PCDHGA3: variants seen among roughly 807,000 people sequenced by gnomAD.
PCDHGA3 encodes the protein protocadherin gamma-A3.
In PCDHGA3, 40 loss-of-function variants were observed where a neutral mutation model predicts 58.5. The ratio of observed to expected loss-of-function variants is 0.68; its 90% CI spans 0.53 to 0.89. The LOEUF (loss-of-function observed/expected upper bound fraction) is 0.89. Among genes scored for constraint, PCDHGA3 ranks in the 40% least tolerant of loss-of-function variants. The pLI, the probability that PCDHGA3 is intolerant of heterozygous loss-of-function variation, is 0.00. For synonymous variants in PCDHGA3, 530 were observed against 525.7 expected, an observed-to-expected ratio of 1.01 and a Z score of -0.11; for missense variants, 1,223 against 1,195.9, an observed-to-expected ratio of 1.02 and a Z score of -0.33.
At chr5:141,503,335 G>A (rs111643076) in intron 2 of PCDHGA3, among the ~76,000 whole-genome samples, 108 of 152,220 alleles carry the variant, frequency 7.1e-4, no homozygotes, top group African/African-American at 2.4e-3. Context: ...GGTGGCTCAC[G>A]CCTGTAATTC....
intron 1 of PCDHGA3, chr5:141,357,369 C>A (rs370630847): frequency 1.1e-5 from 18 of 1,614,182 alleles, no homozygotes; most frequent in Non-Finnish European, 1.4e-5. Context: ...ACAAGTCACG[C>A]CTGCTTCACG....
At chr5:141,361,157 A>T in intron 1 of PCDHGA3, 2 of 1,613,974 alleles carry the variant, frequency 1.2e-6, no homozygotes, top group Non-Finnish European at 1.7e-6. Flanking sequence ...CTTGATGACA[A>T]CGATTGTGCA....
chr5:141,481,934 AAT>A (rs1245984926), intron 1 of PCDHGA3, among the ~76,000 whole-genome samples: 5 of 147,494 alleles, frequency 3.4e-5, no homozygotes, highest in Admixed American at 3.4e-4. Flanking sequence ...AAAAAAAAAA[AAT>A]CAGCCAGATG....
At chr5:141,402,945 A>T (rs2094324619) in intron 1 of PCDHGA3, 2 of 1,593,720 alleles carry the variant, frequency 1.3e-6, no homozygotes, top group Admixed American at 3.6e-5. Flanking sequence ...TTCCAAAGCG[A>T]GGCAGCAATG....
chr5:141,413,461 C>T, intron 1 of PCDHGA3: 2 of 1,614,082 alleles, frequency 1.2e-6, no homozygotes, highest in Non-Finnish European at 1.7e-6. Context: ...CAGGATAGAC[C>T]GGGAGGAGCT....
At position 141,351,203 on chromosome 5, in the gene PCDHGA3, G is replaced by A. The variant is rs761755247; in HGVS notation, c.2424+4746G>A. 88 of 1,613,946 alleles carry A rather than the reference G, an allele frequency of 5.5e-5. 1 individual carries two copies. In the Middle Eastern group the frequency reaches 6.6e-3, roughly 121 times the overall value. ...AGAGACAAGTAGATATGTGTTGAGTGTGGAAGCTAAGGATGGAGGAGTACA... is the reference window on the plus strand; with the variant it reads ...AGAGACAAGTAGATATGTGTTGAGTATGGAAGCTAAGGATGGAGGAGTACA... On this transcript the variant is annotated intron_variant, in intron 1 of 3. Coordinates refer to ENST00000253812, the MANE Select transcript of PCDHGA3 (RefSeq NM_018916.4).
chr5:141,383,546 A>G (rs747474981), intron 1 of PCDHGA3: 1 of 1,612,542 alleles, frequency 6.2e-7, no homozygotes, highest in Non-Finnish European at 8.5e-7. Flanking sequence ...ACAGCCTCTG[A>G]TGGCGGCGAC....
At chr5:141,410,847 G>GTT (rs773839667) in intron 1 of PCDHGA3, 4 of 158,332 alleles carry the variant, frequency 2.5e-5, no homozygotes, top group South Asian at 1.1e-4. Flanking sequence ...TTTTGTCTTT[G>GTT]TCTTTTTTTT....
At chr5:141,502,891 C>G (rs2099816930) in intron 2 of PCDHGA3, among the ~76,000 whole-genome samples, 1 of 117,990 alleles carries the variant, frequency 8.5e-6, no homozygotes, top group African/African-American at 3.4e-5. Context: ...GACAGGGAGT[C>G]TAGCTCTGTT....
rs749832081 is a variant in PCDHGA3, at chr5:141,360,505, C to G, written c.2424+14048C>G. On this transcript the variant is annotated intron_variant, in intron 1 of 3. Coordinates refer to ENST00000253812, the MANE Select transcript of PCDHGA3 (RefSeq NM_018916.4). ...TATTTTCTACATAGCAGTAATTGTG[C>G]AGGATATAAATGATAATACCCCGCT... 5 of 1,613,778 alleles carry G rather than the reference C, an allele frequency of 3.1e-6. No individual in the cohort carries two copies. The Admixed American group carries it at 8.3e-5, about 27-fold the overall frequency.
At chr5:141,357,323 T>C (rs766165859) in intron 1 of PCDHGA3, 2 of 1,614,108 alleles carry the variant, frequency 1.2e-6, no homozygotes, top group Admixed American at 3.3e-5. Flanking sequence ...CTGGCTTTTG[T>C]CACGGTGCTG....
intron 1 of PCDHGA3, among the ~76,000 whole-genome samples, chr5:141,447,644 G>A (rs1212910845): frequency 1.3e-5 from 2 of 152,146 alleles, no homozygotes; most frequent in Admixed American, 1.3e-4. Context: ...AATGATGGTA[G>A]AATTTTCCCC....
At chr5:141,396,447 C>T (rs1200125693) in intron 1 of PCDHGA3, 2 of 152,068 alleles carry the variant, frequency 1.3e-5, no homozygotes, top group South Asian at 2.1e-4. Flanking sequence ...GGTGAAACCC[C>T]GTCTCTACTA....
In PCDHGA3 at chr5:141,344,833, C is replaced by G; in HGVS notation, c.800C>G (p.Thr267Ser). 1 of 1,613,970 alleles carries G rather than the reference C, an allele frequency of 6.2e-7. No individual in the cohort carries two copies. The highest frequency in any genetic ancestry group is 8.5e-7 in the Non-Finnish European group (1 of 1,179,888). ...VGTRLLTVNA[T>S]DPDEGFNAQV... ...ACCCGGCTGCTCACGGTGAATGCCACTGACCCTGACGAGGGATTCAATGCT... is the reference window on the plus strand; with the variant it reads ...ACCCGGCTGCTCACGGTGAATGCCAGTGACCCTGACGAGGGATTCAATGCT... The change falls in exon 1 of 4, where the codon ACT becomes AGT. Residue 267 changes from threonine to serine, a missense_variant. Physicochemically the swap from Thr to Ser is moderately conservative, Grantham distance 58 (BLOSUM62 1). Around this residue, in one of 3 missense-constraint regions of PCDHGA3, gnomAD observed 791 missense variants for 708.5 expected, o/e 1.12. Transcript: ENST00000253812.
intron 1 of PCDHGA3, chr5:141,409,960 C>G: frequency 6.2e-7 from 1 of 1,613,416 alleles, no homozygotes; most frequent in Non-Finnish European, 8.5e-7. Flanking sequence ...AGCCCGGCTA[C>G]CTAGTGACTA....
rs761149166 is a variant in PCDHGA3 at position 141,510,977 on chromosome 5, G to C, written c.2603G>C (p.Gly868Ala). Residue 868 changes from glycine to alanine, a missense_variant, in exon 4 of 4, where the codon GGG (glycine) becomes GCG (alanine). Around this residue, in one of 3 missense-constraint regions of PCDHGA3, gnomAD observed 325 missense variants for 327.5 expected, o/e 0.99. Coordinates refer to ENST00000253812, the MANE Select transcript of PCDHGA3 (RefSeq NM_018916.4). Reference protein sequence around the residue: ...EAADGSSTLGGGAGTMGLSAR... With the variant: ...EAADGSSTLGAGAGTMGLSAR... ...GCTGATGGGAGCTCCACCCTGGGAG[G>C]GGGTGCCGGCACCATGGGATTGAGC... 9 of 1,614,052 alleles carry C rather than the reference G, an allele frequency of 5.6e-6. No individual in the cohort carries two copies. The Admixed American group carries it at 1.3e-4, about 24-fold the overall frequency.
At chr5:141,472,980 CAAAAAAA>C (rs60579131) in intron 1 of PCDHGA3, among the ~76,000 whole-genome samples, 1 of 86,108 alleles carries the variant, frequency 1.2e-5, no homozygotes, top group East Asian at 4.1e-4. Context: ...GAGTGAAACT[CAAAAAAA>C]AAAAAAAAAA....
rs767108870 is a variant in PCDHGA3 at position 141,485,169 on chromosome 5, C to T, written c.2425-9638C>T. On this transcript the variant is annotated intron_variant, in intron 1 of 3. Transcript: ENST00000253812. This position sits in a 1 kb window ranked among gnomAD's most constrained non-coding sequence, Gnocchi z 5.7. ...GAGCAAGTAGAGAATTAGCGGGCGG[C>T]AGCAATGCTCCGCAAGGTGAGAAGC... The T allele has an allele frequency of 6.2e-7, 1 of 1,608,524 alleles. No homozygotes were observed. Among genetic ancestry groups the T allele is most frequent in the South Asian group, 1.1e-5 (1 of 90,730 alleles).
At chr5:141,362,101 G>A in intron 1 of PCDHGA3, 1 of 1,613,846 alleles carries the variant, frequency 6.2e-7, no homozygotes, top group East Asian at 2.2e-5. Flanking sequence ...GCCACTCTCC[G>A]CTACGGCCAC....
Sources: gnomAD v4.1 joint callset for allele counts (sites outside exome capture counted in the v4.1 genomes callset) on GRCh38, gnomAD v4.1.1 for gene constraint, gnomAD v4.1.1 regional missense constraint, Gnocchi (gnomAD v3.1) non-coding constraint, MANE v1.5 for transcripts, NCBI Gene and HGNC (gene_info 2026-07-23, HGNC 2026-07-21) for gene names.